The following NRG3 variants were observed in gnomAD, a reference collection of about 807,000 sequenced individuals.
NRG3 encodes the protein neuregulin 3, also known as pro-neuregulin-3, membrane-bound isoform.
A neutral mutation model predicts 66.9 loss-of-function variants in NRG3; 31 were observed. That is an observed-to-expected ratio of 0.46 (90% CI 0.35 to 0.63). The LOEUF is 0.63. NRG3 is among the 20% of genes least tolerant of loss of function. NRG3 has a pLI of 0.00. For synonymous variants in NRG3, 393 were observed against 359.4 expected, an observed-to-expected ratio of 1.09 and a Z score of -1.06; for missense variants, 910 against 878.9, an observed-to-expected ratio of 1.04 and a Z score of -0.45.
At chr10:82,568,321 C>T (rs2045536008) in intron 2 of NRG3, among the ~76,000 whole-genome samples, 1 of 151,906 alleles carries the variant, frequency 6.6e-6, no homozygotes, top group Non-Finnish European at 1.5e-5. Context: ...ATCAGCTGAA[C>T]ATCAGCTTTA....
At chr10:82,638,197 C>T (rs1590970893) in intron 2 of NRG3, among the ~76,000 whole-genome samples, 1 of 152,144 alleles carries the variant, frequency 6.6e-6, no homozygotes, top group East Asian at 1.9e-4. Flanking sequence ...GGATGAAATG[C>T]TCTTGGTACA....
At chr10:82,755,771 T>A (rs2059052366) in intron 3 of NRG3, among the ~76,000 whole-genome samples, 1 of 152,160 alleles carries the variant, frequency 6.6e-6, no homozygotes, top group Admixed American at 6.6e-5. Context: ...ACACATATTT[T>A]ACTTTACTTT....
intron 1 of NRG3, among the ~76,000 whole-genome samples, chr10:81,945,368 A>T (rs1247521842): frequency 6.6e-6 from 1 of 151,534 alleles, no homozygotes; most frequent in Non-Finnish European, 1.5e-5. Context: ...GCTAGGCTGT[A>T]GCTCACTGTT....
intron 1 of NRG3, among the ~76,000 whole-genome samples, chr10:81,956,149 G>T (rs1849811142): frequency 6.6e-6 from 1 of 152,106 alleles, no homozygotes; most frequent in Non-Finnish European, 1.5e-5. Flanking sequence ...GCTTTTGACT[G>T]TCCCCACCAA....
chr10:82,491,666 A>G (rs1350301308), intron 2 of NRG3, among the ~76,000 whole-genome samples: 2 of 151,956 alleles, frequency 1.3e-5, no homozygotes, highest in Non-Finnish European at 2.9e-5. Context: ...GTCTATGTAA[A>G]TTTATTTCAG....
intron 1 of NRG3, among the ~76,000 whole-genome samples, chr10:82,235,001 C>G (rs930394294): frequency 2.6e-5 from 4 of 152,242 alleles, no homozygotes; most frequent in Admixed American, 6.5e-5. Flanking sequence ...TACAACTGCT[C>G]TCTCCAATAA....
Position 82,927,357 on chromosome 10 carries a change from A to G in NRG3, c.1055-24112A>G, listed in dbSNP as rs570028581. Among the ~76,000 whole-genome samples the G allele has an allele frequency of 2.6e-5, 4 of 152,236 alleles. 1 individual carries two copies. In the South Asian group the frequency reaches 8.3e-4, roughly 32 times the overall value. ...AAAATAATTTTTATTTATGGAATGT[A>G]TTTTTTTATTTTACTTTAAGTTCTG... On this transcript the variant is annotated intron_variant, in intron 4 of 8. Coordinates refer to ENST00000372141, the MANE Select transcript of NRG3 (RefSeq NM_001010848.4).
chr10:82,153,517 T>A (rs2070946256), intron 1 of NRG3, among the ~76,000 whole-genome samples: 1 of 151,852 alleles, frequency 6.6e-6, no homozygotes. Flanking sequence ...AATGCTGAAA[T>A]GAATTATGAG....
At chr10:82,850,159 A>C (rs1201098566) in intron 3 of NRG3, among the ~76,000 whole-genome samples, 1 of 152,184 alleles carries the variant, frequency 6.6e-6, no homozygotes. Flanking sequence ...AGTTTTCTAG[A>C]GGATGCTTCA....
At chr10:82,780,640 A>G (rs2060086876) in intron 3 of NRG3, among the ~76,000 whole-genome samples, 2 of 151,960 alleles carry the variant, frequency 1.3e-5, no homozygotes, top group South Asian at 4.2e-4. Flanking sequence ...GTTTAGCTTA[A>G]CCATGTAAAT....
At chr10:82,015,261 A>G (rs1407553380) in intron 1 of NRG3, among the ~76,000 whole-genome samples, 1 of 152,194 alleles carries the variant, frequency 6.6e-6, no homozygotes. Flanking sequence ...CCTTCACCAG[A>G]TTTTGAAAGC....
intron 1 of NRG3, among the ~76,000 whole-genome samples, chr10:81,895,234 G>C (rs910507205): frequency 1.3e-5 from 2 of 152,132 alleles, no homozygotes; most frequent in Non-Finnish European, 2.9e-5. Context: ...GCTGATCATT[G>C]ACAAATCTAT....
rs561794161 is a variant in NRG3 at position 82,282,684 on chromosome 10, C to T, written c.824-76055C>T. Among the ~76,000 whole-genome samples the T allele has an allele frequency of 5.9e-5, 9 of 152,180 alleles. No individual in the cohort carries two copies. The East Asian group carries it at 1.2e-3, about 20-fold the overall frequency. ...GATTAAATGAGTTAATGCAAATTAG[C>T]GACAAAGGTATGTATGCATCCTCAC... On this transcript the variant is annotated intron_variant, in intron 1 of 8. Transcript: ENST00000372141.
chr10:82,968,791 A>G (rs1252211850), intron 6 of NRG3, among the ~76,000 whole-genome samples: 4 of 152,096 alleles, frequency 2.6e-5, no homozygotes, highest in African/African-American at 9.7e-5. Flanking sequence ...GTATTAGTCC[A>G]TTTTCACACG....
At chr10:82,141,870 G>A (rs753278046) in intron 1 of NRG3, among the ~76,000 whole-genome samples, 25 of 152,118 alleles carry the variant, frequency 1.6e-4, no homozygotes, top group African/African-American at 5.1e-4. Flanking sequence ...CTATACTAAC[G>A]CATTTCACCT....
intron 1 of NRG3, among the ~76,000 whole-genome samples, chr10:81,944,190 A>G (rs539572825): frequency 1.3e-5 from 2 of 152,360 alleles, no homozygotes; most frequent in South Asian, 4.1e-4. Context: ...ACAAAAAGAA[A>G]TCCACATGGC....
intron 2 of NRG3, among the ~76,000 whole-genome samples, chr10:82,377,814 A>G (rs901464898): frequency 2.0e-5 from 3 of 152,108 alleles, no homozygotes; most frequent in Admixed American, 6.6e-5. Flanking sequence ...TAATCCTGGG[A>G]GGCTGGGATT....
intron 1 of NRG3, among the ~76,000 whole-genome samples, chr10:82,054,842 T>TAATAA (rs998722092): frequency 8.6e-5 from 13 of 150,840 alleles, no homozygotes; most frequent in Non-Finnish European, 1.3e-4. Context: ...CCCAGATCTA[T>TAATAA]AAAAAAAAAT....
chr10:82,246,263 G>T (rs1441895867), intron 1 of NRG3, among the ~76,000 whole-genome samples: 1 of 152,092 alleles, frequency 6.6e-6, no homozygotes, highest in Non-Finnish European at 1.5e-5. Context: ...AGTGATATTA[G>T]ATCATTCCCA....
Sources: gnomAD v4.1 joint callset for allele counts (sites outside exome capture counted in the v4.1 genomes callset) on GRCh38, gnomAD v4.1.1 for gene constraint, MANE v1.5 for transcripts, NCBI Gene and HGNC (gene_info 2026-07-23, HGNC 2026-07-21) for gene names.